Variants in CCBE1 observed in about 807,000 individuals in gnomAD.
The protein encoded by CCBE1 is collagen and calcium binding EGF domains 1, also known as collagen and calcium-binding EGF domain-containing protein 1.
A neutral mutation model predicts 50.0 loss-of-function variants in CCBE1; 37 were observed. The observed-to-expected ratio is 0.74, with a 90% CI of 0.57 to 0.97. The LOEUF is 0.97. Among genes scored for constraint, CCBE1 ranks in the 50% least tolerant of loss-of-function variants. The probability of loss-of-function intolerance (pLI) is 0.00; values close to 1 mark genes in which losing one functional copy is unlikely to be tolerated. For synonymous variants in CCBE1, 234 were observed against 203.7 expected (o/e 1.15, Z -1.27); for missense variants, 538 against 523.8 (o/e 1.03, Z -0.26).
intron 2 of CCBE1, among the ~76,000 whole-genome samples, chr18:59,544,519 T>G (rs985451136): frequency 6.6e-6 from 1 of 152,076 alleles, no homozygotes; most frequent in Non-Finnish European, 1.5e-5. Flanking sequence ...ACCCATGTAT[T>G]GCAGGTGCTC....
At chr18:59,523,451 A>G (rs1914691186) in intron 2 of CCBE1, among the ~76,000 whole-genome samples, 1 of 151,744 alleles carries the variant, frequency 6.6e-6, no homozygotes, top group Non-Finnish European at 1.5e-5. Flanking sequence ...AATTTCTTCA[A>G]CTGTATAACA....
intron 2 of CCBE1, among the ~76,000 whole-genome samples, chr18:59,661,966 T>TAAAA (rs34765491): frequency 0.011 from 1,568 of 148,766 alleles, 33 homozygotes; most frequent in African/African-American, 0.036. Flanking sequence ...GACTCAGTCT[T>TAAAA]AAAAAAAAAA....
At chr18:59,523,266 C>T (rs560740829) in intron 2 of CCBE1, among the ~76,000 whole-genome samples, 7 of 151,360 alleles carry the variant, frequency 4.6e-5, no homozygotes, top group South Asian at 4.2e-4. Context: ...ACATTTCCAG[C>T]TTAGAGACAA....
intron 2 of CCBE1, among the ~76,000 whole-genome samples, chr18:59,582,775 T>C (rs944441238): frequency 6.6e-6 from 1 of 152,138 alleles, no homozygotes; most frequent in Admixed American, 6.6e-5. Context: ...GTGAAGAGAT[T>C]ATGTAATTTT....
At chr18:59,674,842 A>G (rs891324405) in intron 2 of CCBE1, among the ~76,000 whole-genome samples, 3 of 152,332 alleles carry the variant, frequency 2.0e-5, no homozygotes, top group African/African-American at 7.2e-5. Context: ...AGGGTCTATA[A>G]AATTTCAAAT....
intron 2 of CCBE1, among the ~76,000 whole-genome samples, chr18:59,482,197 G>A (rs141710680): frequency 5.3e-5 from 8 of 152,322 alleles, no homozygotes; most frequent in Non-Finnish European, 1.5e-5. Context: ...TTTCATCCAT[G>A]TCCCTGCAAA....
intron 5 of CCBE1, among the ~76,000 whole-genome samples, chr18:59,457,324 T>C (rs1245173228): frequency 2.0e-5 from 3 of 152,172 alleles, no homozygotes; most frequent in African/African-American, 7.2e-5. Flanking sequence ...TCAGAGATGG[T>C]AGAGTGAACT....
intron 2 of CCBE1, among the ~76,000 whole-genome samples, chr18:59,588,869 G>T (rs2053216790): frequency 6.6e-6 from 1 of 152,194 alleles, no homozygotes; most frequent in Non-Finnish European, 1.5e-5. Context: ...AGGCTCCCCT[G>T]ATGCCCCCTC....
At chr18:59,477,572 G>A (rs1216495641) in intron 3 of CCBE1, among the ~76,000 whole-genome samples, 1 of 151,636 alleles carries the variant, frequency 6.6e-6, no homozygotes, top group East Asian at 1.9e-4. Flanking sequence ...GTGTGCACCT[G>A]CATGCCAATC....
At chr18:59,577,614 A>G (rs1051099716) in intron 2 of CCBE1, among the ~76,000 whole-genome samples, 7 of 152,244 alleles carry the variant, frequency 4.6e-5, no homozygotes, top group African/African-American at 7.2e-5. Flanking sequence ...ATAAATGAGC[A>G]GAGGTATAAA....
chr18:59,497,005 T>C (rs1395595263), intron 2 of CCBE1, among the ~76,000 whole-genome samples: 1 of 152,240 alleles, frequency 6.6e-6, no homozygotes, highest in East Asian at 1.9e-4. Flanking sequence ...TAATTTTTTC[T>C]TCGGCAAAAT....
At chr18:59,634,325 A>G (rs1383186572) in intron 2 of CCBE1, among the ~76,000 whole-genome samples, 1 of 152,230 alleles carries the variant, frequency 6.6e-6, no homozygotes, top group Non-Finnish European at 1.5e-5. Context: ...CTGTGAATCT[A>G]TCATCACAGA....
intron 2 of CCBE1, among the ~76,000 whole-genome samples, chr18:59,547,433 T>C (rs1236045935): frequency 6.6e-6 from 1 of 152,030 alleles, no homozygotes; most frequent in African/African-American, 2.4e-5. Flanking sequence ...AACTAGCAGT[T>C]GACATGTCCA....
intron 2 of CCBE1, among the ~76,000 whole-genome samples, chr18:59,675,833 T>TTA (rs2054493791): frequency 3.3e-5 from 5 of 152,154 alleles, no homozygotes; most frequent in African/African-American, 1.2e-4. Flanking sequence ...ATGGAAGGAA[T>TTA]CTAACAGTAA....
At chr18:59,564,104 C>G (rs2052782176) in intron 2 of CCBE1, 1 of 152,206 alleles carries the variant, frequency 6.6e-6, no homozygotes, top group Admixed American at 6.5e-5. Context: ...CTAGGAGCCA[C>G]ATAAAGACAA....
intron 2 of CCBE1, among the ~76,000 whole-genome samples, chr18:59,658,216 A>G (rs1313773428): frequency 6.8e-6 from 1 of 147,586 alleles, no homozygotes; most frequent in Non-Finnish European, 1.5e-5. Flanking sequence ...AGCACTCAAC[A>G]AACATTACAG....
At chr18:59,495,569 C>T (rs1913315043) in intron 2 of CCBE1, among the ~76,000 whole-genome samples, 1 of 151,960 alleles carries the variant, frequency 6.6e-6, no homozygotes. Flanking sequence ...GACATCTCCC[C>T]AGCCATGTCC....
At chr18:59,532,380 A>G (rs954806371) in intron 2 of CCBE1, among the ~76,000 whole-genome samples, 1 of 152,218 alleles carries the variant, frequency 6.6e-6, no homozygotes, top group Admixed American at 6.5e-5. Context: ...TCTAGAAGGC[A>G]GGACCTGTGT....
chr18:59,466,592 A>G (rs1038134516), intron 5 of CCBE1, 147 bp downstream of exon 5: 14 of 335,136 alleles, frequency 4.2e-5, no homozygotes, highest in Non-Finnish European at 5.7e-5. Context: ...TACATTGTAT[A>G]TAAAATTACA....
Sources: gnomAD v4.1 joint callset for allele counts (sites outside exome capture counted in the v4.1 genomes callset) on GRCh38, gnomAD v4.1.1 for gene constraint, MANE v1.5 for transcripts, NCBI Gene and HGNC (gene_info 2026-07-23, HGNC 2026-07-21) for gene names.